Variants in SCAF8 observed in about 807,000 individuals in gnomAD.
SCAF8 encodes the protein SR-related and CTD-associated factor 8.
In SCAF8, 23 loss-of-function variants were observed where a neutral mutation model predicts 140.5. The ratio of observed to expected loss-of-function variants is 0.16; its 90% CI spans 0.12 to 0.23. The LOEUF (loss-of-function observed/expected upper bound fraction) is 0.23, where lower values mean the gene tolerates loss of function less well. SCAF8 is among the 10% of genes least tolerant of loss of function. SCAF8 has a pLI of 1.00. For missense variants in SCAF8, 1,397 were observed against 1,555.7 expected (o/e 0.90, Z 1.72); for synonymous variants, 575 against 528.9 (o/e 1.09, Z -1.20).
rs764794871 is a variant in SCAF8, at chr6:154,808,706, G to T, written c.1134G>T (p.Gly378=). 4 of 1,612,654 alleles carry T rather than the reference G, an allele frequency of 2.5e-6. No individual in the cohort carries two copies. In the South Asian group the frequency reaches 4.4e-5, roughly 18 times the overall value. Residue 378 remains glycine, a synonymous_variant, in exon 11 of 20, where the codon GGG becomes GGT. Transcript: ENST00000367178. ...TCAAGGATATGGATATAGATGAAGG[G>T]CAAGATGGAGTGGAAGAGGAGGTCT... ...IQQQDMDIDE[G]QDGVEEEVFE...
At chr6:154,816,691 C>A (rs1284762441) in intron 13 of SCAF8, among the ~76,000 whole-genome samples, 1 of 152,074 alleles carries the variant, frequency 6.6e-6, no homozygotes, top group Non-Finnish European at 1.5e-5. Flanking sequence ...ATCTTTTTAT[C>A]ATTATTTATC....
At chr6:154,794,828 TGTTTAA>T (rs2114884324) in intron 5 of SCAF8, among the ~76,000 whole-genome samples, 175 bp from the exon 6 acceptor site, 1 of 139,202 alleles carries the variant, frequency 7.2e-6, no homozygotes, top group Non-Finnish European at 1.5e-5. Flanking sequence ...TGTGTGTGTG[TGTTTAA>T]TGTACCTAAT....
chr6:154,744,211 G>C (rs763867315), intron 1 of SCAF8, among the ~76,000 whole-genome samples: 1 of 152,148 alleles, frequency 6.6e-6, no homozygotes, highest in Non-Finnish European at 1.5e-5. Flanking sequence ...GAAATCGCTT[G>C]AACCGGGGAG....
chr6:154,774,377 T>C lies in SCAF8; in HGVS notation c.114+305T>C, dbSNP rs555427244. On this transcript the variant is annotated intron_variant, in intron 2 of 19. Transcript: ENST00000367178. ...CCTGGGCTCAAGTGATCCTCTTGCC[T>C]CAGCCTCCTGAACATTTAACATTTT... 5.8e-4 allele frequency among the ~76,000 whole-genome samples: 88 copies of C among 152,320 alleles called. 1 individual carries two copies. Among genetic ancestry groups the C allele is most frequent in the African/African-American group, 2.1e-3 (87 of 41,574 alleles).
At chr6:154,748,887 T>C (rs1778771932) in intron 1 of SCAF8, among the ~76,000 whole-genome samples, 2 of 152,244 alleles carry the variant, frequency 1.3e-5, no homozygotes, top group Non-Finnish European at 2.9e-5. Flanking sequence ...CTGAGTTCTC[T>C]TAGAGCTGTA....
intron 1 of SCAF8, among the ~76,000 whole-genome samples, chr6:154,768,616 A>C (rs1443592174): frequency 6.6e-6 from 1 of 152,234 alleles, no homozygotes; most frequent in Non-Finnish European, 1.5e-5. Flanking sequence ...TGTAAATGAT[A>C]AACTAAAATA....
intron 9 of SCAF8, among the ~76,000 whole-genome samples, chr6:154,807,391 G>C (rs1777952424): frequency 6.6e-6 from 1 of 152,192 alleles, no homozygotes; most frequent in Admixed American, 6.5e-5. Flanking sequence ...GGTAAAACTA[G>C]AACTGTTTTT....
intron 9 of SCAF8, among the ~76,000 whole-genome samples, chr6:154,807,099 C>T (rs1562456225): frequency 6.6e-6 from 1 of 152,130 alleles, no homozygotes; most frequent in African/African-American, 2.4e-5. Flanking sequence ...GCACTGTAAT[C>T]GTAGTACTTT....
intron 7 of SCAF8, among the ~76,000 whole-genome samples, chr6:154,802,503 G>A (rs182140503): frequency 6.6e-6 from 1 of 152,050 alleles, no homozygotes; most frequent in Non-Finnish European, 1.5e-5. Context: ...TGTAATCCCA[G>A]CTACTGGGGA....
intron 8 of SCAF8, among the ~76,000 whole-genome samples, chr6:154,805,071 G>A (rs1777873802): frequency 1.3e-5 from 2 of 152,010 alleles, no homozygotes; most frequent in African/African-American, 2.4e-5. Context: ...TTCTTAATAT[G>A]CTCTAATGAA....
intron 12 of SCAF8, among the ~76,000 whole-genome samples, chr6:154,813,379 A>G (rs1017274564): frequency 6.6e-6 from 1 of 152,144 alleles, no homozygotes; most frequent in South Asian, 2.1e-4. Flanking sequence ...AACTTAGCCA[A>G]GCATGGTGAT....
At chr6:154,750,156 A>T (rs1267005953) in intron 1 of SCAF8, among the ~76,000 whole-genome samples, 1 of 152,124 alleles carries the variant, frequency 6.6e-6, no homozygotes, top group African/African-American at 2.4e-5. Flanking sequence ...ACCAAGAATA[A>T]AAGAAAGATC....
At chr6:154,741,323 G>A (rs1778562221) in intron 1 of SCAF8, among the ~76,000 whole-genome samples, 1 of 152,106 alleles carries the variant, frequency 6.6e-6, no homozygotes, top group South Asian at 2.1e-4. Flanking sequence ...TTCTAGACTA[G>A]CATTGAATTT....
intron 1 of SCAF8, among the ~76,000 whole-genome samples, chr6:154,767,293 A>G (rs1776604242): frequency 6.6e-6 from 1 of 152,146 alleles, no homozygotes; most frequent in South Asian, 2.1e-4. Context: ...GCATTTGCAC[A>G]AAACAGTGGA....
intron 6 of SCAF8, among the ~76,000 whole-genome samples, chr6:154,796,780 C>T (rs546193260): frequency 5.3e-5 from 8 of 152,102 alleles, no homozygotes; most frequent in Admixed American, 2.0e-4. Flanking sequence ...GAAGACTAGC[C>T]GGGCCAACGT....
intron 14 of SCAF8, 28 bp from the exon 15 acceptor site, chr6:154,820,149 T>C (rs1343596638): frequency 1.3e-6 from 2 of 1,543,248 alleles, no homozygotes; most frequent in East Asian, 2.3e-5. Flanking sequence ...GTATAACCTT[T>C]CTTTTTTCCT....
chr6:154,747,551 T>C (rs926168667), intron 1 of SCAF8, among the ~76,000 whole-genome samples: 6 of 152,066 alleles, frequency 3.9e-5, no homozygotes, highest in African/African-American at 1.4e-4. Context: ...ACATATACCA[T>C]CCTTAGTTTG....
At chr6:154,811,254 T>G (rs753632911) in intron 12 of SCAF8, among the ~76,000 whole-genome samples, 3 of 152,202 alleles carry the variant, frequency 2.0e-5, no homozygotes, top group Non-Finnish European at 4.4e-5. Flanking sequence ...AAATCTCTAC[T>G]GTGCTTTCTC....
At chr6:154,773,116 C>T (rs1776818752) in intron 1 of SCAF8, among the ~76,000 whole-genome samples, 1 of 152,136 alleles carries the variant, frequency 6.6e-6, no homozygotes, top group South Asian at 2.1e-4. Flanking sequence ...AATCAGTCAA[C>T]TTAAAGTATA....
Sources: gnomAD v4.1 joint callset for allele counts (sites outside exome capture counted in the v4.1 genomes callset) on GRCh38, gnomAD v4.1.1 for gene constraint, MANE v1.5 for transcripts, NCBI Gene and HGNC (gene_info 2026-07-23, HGNC 2026-07-21) for gene names.